The following LMO4 variants were observed in gnomAD, a reference collection of about 807,000 sequenced individuals.
LMO4 encodes the protein LIM domain transcription factor LMO4.
In LMO4, 3 loss-of-function variants were observed where a neutral mutation model predicts 18.5. The ratio of observed to expected loss-of-function variants is 0.16; its 90% CI spans 0.07 to 0.42. The LOEUF is 0.42. LMO4 is among the 10% of genes least tolerant of loss of function. The pLI, the probability that LMO4 is intolerant of heterozygous loss-of-function variation, is 0.99. For synonymous variants in LMO4, 100 were observed against 88.1 expected (o/e 1.14, Z -0.76); for missense variants, 121 against 219.9 (o/e 0.55, Z 2.84).
intron 2 of LMO4, among the ~76,000 whole-genome samples, chr1:87,338,151 C>T (rs976391688): frequency 2.0e-5 from 3 of 152,030 alleles, no homozygotes; most frequent in African/African-American, 4.8e-5. Context: ...AATAAAGTGG[C>T]GACAGCAAAT....
At chr1:87,331,345 T>C (rs1286526469) in intron 1 of LMO4, 1 of 152,164 alleles carries the variant, frequency 6.6e-6, no homozygotes, top group Non-Finnish European at 1.5e-5. Context: ...GTTTCGCAAC[T>C]TTACACACTG....
intron 2 of LMO4, 26 bp from the exon 3 acceptor site, chr1:87,339,510 G>T (rs774227530): frequency 1.3e-6 from 2 of 1,534,486 alleles, no homozygotes; most frequent in African/African-American, 2.7e-5. Context: ...TTATTCACTG[G>T]TGTCAACCGT....
At chr1:87,344,318 C>G (rs1650571166) in intron 4 of LMO4, among the ~76,000 whole-genome samples, 1 of 152,094 alleles carries the variant, frequency 6.6e-6, no homozygotes, top group African/African-American at 2.4e-5. Flanking sequence ...TGTCATTATC[C>G]CTTCTTTAAA....
At chr1:87,331,240 T>G (rs746559131) in intron 1 of LMO4, 2 of 152,132 alleles carry the variant, frequency 1.3e-5, no homozygotes, top group Non-Finnish European at 2.9e-5. Flanking sequence ...AAACACTCAT[T>G]GATCTTCAAA....
In LMO4 at chr1:87,345,393, A is replaced by G. The variant is rs1650598250; in HGVS notation, c.*597A>G. 1 of 152,054 alleles carries G rather than the reference A, an allele frequency of 6.6e-6. No individual in the cohort carries two copies. Among genetic ancestry groups the G allele is most frequent in the Non-Finnish European group, 1.5e-5 (1 of 68,026 alleles). 9.4% of individuals were successfully genotyped at this position (152,054 alleles called of 1,614,324 possible). ...TTGCTACTCCCATGGCAAAGAAAAA[A>G]AAAAGAATGAAAAAAAGAAAAAAAT... is the stretch of plus-strand genomic sequence containing the variant. On this transcript the variant is annotated 3_prime_UTR_variant, in exon 5 of 5. Coordinates refer to ENST00000370544, the MANE Select transcript of LMO4 (RefSeq NM_006769.4).
At chr1:87,341,690 G>C (rs1176476481) in intron 4 of LMO4, among the ~76,000 whole-genome samples, 1 of 152,062 alleles carries the variant, frequency 6.6e-6, no homozygotes, top group Non-Finnish European at 1.5e-5. Context: ...CTGTTTCTTA[G>C]TGTTAATTAC....
In LMO4 at chr1:87,329,069, TAA is replaced by T. The variant is rs71677120; in HGVS notation, c.-165_-164del. ...CAACCCGCCCCAGAGCAACGCGATT[TAA>T]AAAAAAAAAAAAAGCCGCCCTTAGC... On this transcript the variant is annotated 5_prime_UTR_variant, in exon 1 of 5. Coordinates refer to ENST00000370544, the MANE Select transcript of LMO4 (RefSeq NM_006769.4). 0.065 allele frequency: 8,787 copies of T among 135,834 alleles called. 332 individuals are homozygous for T. Among genetic ancestry groups the T allele is most frequent in the Middle Eastern group, 0.13 (35 of 264 alleles). The allele number at this position is 135,834 out of a possible 1,614,324, so 8.4% of individuals were successfully genotyped here. A position where few individuals can be genotyped will look rare whatever the true frequency, so the allele number is the denominator to read the frequency against.
chr1:87,330,052 C>T lies in LMO4; in HGVS notation c.-4+808C>T, dbSNP rs529066752. Among the ~76,000 whole-genome samples, 12 of 150,232 alleles carry T rather than the reference C, an allele frequency of 8.0e-5. No individual in the cohort carries two copies. The South Asian group carries it at 2.5e-3, about 32-fold the overall frequency. On this transcript the variant is annotated intron_variant, in intron 1 of 4. Coordinates refer to ENST00000370544, the MANE Select transcript of LMO4 (RefSeq NM_006769.4). ...CTCTAAATGAAACTTGATGAGGGCC[C>T]GTCCTTAGTTATCAGGGGAGTCAGT...
chr1:87,336,140 G>A (rs948428847), intron 2 of LMO4, among the ~76,000 whole-genome samples: 7 of 152,060 alleles, frequency 4.6e-5, no homozygotes, highest in Non-Finnish European at 1.0e-4. Flanking sequence ...CTTGGCTCCA[G>A]GCATAATTTC....
chr1:87,344,529 G>A (rs1457355982), intron 4 of LMO4, among the ~76,000 whole-genome samples: 2 of 152,196 alleles, frequency 1.3e-5, no homozygotes, highest in Non-Finnish European at 2.9e-5. Flanking sequence ...GCAATTAATT[G>A]TAGTACTTTA....
chr1:87,331,503 G>T (rs980228602), intron 1 of LMO4, among the ~76,000 whole-genome samples: 1 of 152,222 alleles, frequency 6.6e-6, no homozygotes, highest in Non-Finnish European at 1.5e-5. Context: ...GAACCCGGGA[G>T]GGAACGAGGC....
Position 87,345,460 on chromosome 1 carries a change from A to G in LMO4, c.*664A>G, listed in dbSNP as rs1049402566. On this transcript the variant is annotated 3_prime_UTR_variant, in exon 5 of 5. Coordinates refer to ENST00000370544, the MANE Select transcript of LMO4 (RefSeq NM_006769.4). ...GGCTCATAGCAGCTACTGTGTAGAA[A>G]ATTCCCCCTACTTCTAATTTGCTGA... 1 of 151,960 alleles carries G rather than the reference A, an allele frequency of 6.6e-6. No homozygotes were observed. Among genetic ancestry groups the G allele is most frequent in the African/African-American group, 2.4e-5 (1 of 41,300 alleles). The allele number at this position is 151,960 out of a possible 1,614,324, so 9.4% of individuals were successfully genotyped here.
At chr1:87,338,738 A>G (rs1265231250) in intron 2 of LMO4, among the ~76,000 whole-genome samples, 1 of 152,166 alleles carries the variant, frequency 6.6e-6, no homozygotes, top group African/African-American at 2.4e-5. Flanking sequence ...TTGCATAGGA[A>G]AACTGCAGTG....
At chr1:87,332,957 G>GA (rs1418071659) in intron 2 of LMO4, among the ~76,000 whole-genome samples, 1 of 152,156 alleles carries the variant, frequency 6.6e-6, no homozygotes, top group Admixed American at 6.5e-5. Flanking sequence ...ATTGAAGCAT[G>GA]TTCAGGTTTT....
At chr1:87,335,924 G>A (rs1650298068) in intron 2 of LMO4, among the ~76,000 whole-genome samples, 1 of 150,774 alleles carries the variant, frequency 6.6e-6, no homozygotes, top group African/African-American at 2.4e-5. Context: ...TGCAATTTAG[G>A]GGGAACGTTT....
In LMO4 at chr1:87,347,071, A is replaced by C. The variant is rs1650655281; in HGVS notation, c.*2275A>C. ...ATGTGGAGGGCTAAGGTCATTACGG[A>C]CTTTAAATAAACTATTATATGGCTG... On this transcript the variant is annotated 3_prime_UTR_variant, in exon 5 of 5. Coordinates refer to ENST00000370544, the MANE Select transcript of LMO4 (RefSeq NM_006769.4). 1 of 152,202 alleles carries C rather than the reference A, an allele frequency of 6.6e-6. No individual in the cohort carries two copies. The highest frequency in any genetic ancestry group is 1.5e-5 in the Non-Finnish European group (1 of 68,036). The allele number at this position is 152,202 out of a possible 1,614,324, so 9.4% of individuals were successfully genotyped here.
intron 4 of LMO4, among the ~76,000 whole-genome samples, chr1:87,343,481 G>T (rs969488590): frequency 2.6e-5 from 4 of 152,102 alleles, no homozygotes; most frequent in East Asian, 1.9e-4. Flanking sequence ...TGCCTGTTCT[G>T]GAATTTTTTT....
chr1:87,332,061 G>A lies in LMO4; in HGVS notation c.46G>A (p.Gly16Ser), dbSNP rs987502427. Residue 16 changes from glycine (G) to serine (S), a missense_variant, in exon 2 of 5, where the codon GGC becomes AGC. By Grantham distance (56) the Gly-to-Ser change is moderately conservative. Coordinates refer to ENST00000370544, the MANE Select transcript of LMO4 (RefSeq NM_006769.4). ...SSSQPPPVTA[G>S]SLSWKRCAGC... Reference sequence around the variant, plus strand: ...CTCGCAGCCGCCCCCGGTGACGGCCGGCTCCCTCTCCTGGAAGCGGTGCGC... The same window carrying A: ...CTCGCAGCCGCCCCCGGTGACGGCCAGCTCCCTCTCCTGGAAGCGGTGCGC... 6.2e-7 allele frequency: 1 copy of A among 1,613,546 alleles called. No homozygotes were observed. The highest frequency in any genetic ancestry group is 1.3e-5 in the African/African-American group (1 of 75,052).
At chr1:87,337,563 C>T (rs1457609321) in intron 2 of LMO4, among the ~76,000 whole-genome samples, 1 of 152,206 alleles carries the variant, frequency 6.6e-6, no homozygotes, top group Non-Finnish European at 1.5e-5. Flanking sequence ...TGTTAGGATT[C>T]TGTCACCCCC....
Sources: allele counts gnomAD v4.1 joint callset (sites outside exome capture counted in the v4.1 genomes callset), GRCh38; gene constraint gnomAD v4.1.1; transcripts MANE v1.5; gene names NCBI Gene and HGNC (gene_info 2026-07-23, HGNC 2026-07-21).